TRIO: variants seen among roughly 807,000 people sequenced by gnomAD.
TRIO encodes the protein triple functional domain protein.
A neutral mutation model predicts 351.9 loss-of-function variants in TRIO; 58 were observed. That is an observed-to-expected ratio of 0.16 (90% CI 0.13 to 0.21). The LOEUF is 0.21. Among genes scored for constraint, TRIO ranks in the 10% least tolerant of loss-of-function variants. TRIO has a pLI of 1.00. For missense variants in TRIO, 3,201 were observed against 4,027.8 expected, an observed-to-expected ratio of 0.79 and a Z score of 5.56; for synonymous variants, 1,758 against 1,595.7, an observed-to-expected ratio of 1.10 and a Z score of -2.42.
At chr5:14,274,532 G>C (rs1735329481) in intron 2 of TRIO, among the ~76,000 whole-genome samples, 1 of 152,242 alleles carries the variant, frequency 6.6e-6, no homozygotes, top group African/African-American at 2.4e-5. Flanking sequence ...TTGCAAGATG[G>C]TGATATTCTA....
In TRIO at chr5:14,419,989, G is replaced by A; in HGVS notation, c.5171G>A (p.Ser1724Asn). 1 of 1,613,944 alleles carries A rather than the reference G, an allele frequency of 6.2e-7. No individual in the cohort carries two copies. Among genetic ancestry groups the A allele is most frequent in the Non-Finnish European group, 8.5e-7 (1 of 1,179,822 alleles). Residue 1724 changes from serine to asparagine, a missense_variant, in exon 34 of 57, where the codon AGC becomes AAC. Coordinates refer to ENST00000344204, the MANE Select transcript of TRIO (RefSeq NM_007118.4). ...GSLCIAHSRS[S>N]MEMEGIFNHK... ...CTGTGCATCGCCCACTCCAGAAGTA[G>A]CATGGAAATGGAGGGCATCTTCAAC...
At chr5:14,488,736 C>G (rs1166419622) in intron 48 of TRIO, 1 of 581,872 alleles carries the variant, frequency 1.7e-6, no homozygotes, top group African/African-American at 1.9e-5. Context: ...AGACCATTCC[C>G]TCAAGAAAAC....
intron 1 of TRIO, among the ~76,000 whole-genome samples, chr5:14,144,645 G>A (rs168756): frequency 0.71 from 107,349 of 151,886 alleles, 39,281 homozygotes; most frequent in African/African-American, 0.91. Context: ...AGGTGGAGGC[G>A]GTGCCAGGTG....
At chr5:14,263,411 C>T (rs958975667) in intron 1 of TRIO, among the ~76,000 whole-genome samples, 1 of 151,806 alleles carries the variant, frequency 6.6e-6, no homozygotes, top group East Asian at 1.9e-4. Flanking sequence ...AGAATTATAG[C>T]TTTATTTTCT....
intron 8 of TRIO, among the ~76,000 whole-genome samples, chr5:14,307,088 A>T (rs1738436572): frequency 6.6e-6 from 1 of 152,184 alleles, no homozygotes; most frequent in Admixed American, 6.5e-5. Flanking sequence ...CTCTTAAATT[A>T]TTTACATTTT....
At chr5:14,406,731 C>A in intron 33 of TRIO, 59 bp downstream of exon 33, 1 of 1,514,060 alleles carries the variant, frequency 6.6e-7, no homozygotes, top group Non-Finnish European at 9.2e-7. Flanking sequence ...CTGGTCAAAG[C>A]AGCCCCCTCC....
chr5:14,455,710 G>C (rs1338622763), intron 34 of TRIO, among the ~76,000 whole-genome samples: 2 of 152,218 alleles, frequency 1.3e-5, no homozygotes, highest in South Asian at 2.1e-4. Flanking sequence ...ACAGAGTGCT[G>C]ATTGGTGCAT....
At chr5:14,189,512 T>A (rs2152146889) in intron 1 of TRIO, among the ~76,000 whole-genome samples, 1 of 152,304 alleles carries the variant, frequency 6.6e-6, no homozygotes, top group South Asian at 2.1e-4. Context: ...ATAAAGTAAA[T>A]GTGTGGCCTG....
In TRIO at chr5:14,509,108, G is replaced by A. The variant is rs1306633143; in HGVS notation, c.*686G>A. The A allele has an allele frequency of 5.1e-6, 1 of 195,846 alleles. No individual in the cohort carries two copies. Among genetic ancestry groups the A allele is most frequent in the African/African-American group, 2.4e-5 (1 of 41,296 alleles). The allele number at this position is 195,846 out of a possible 1,614,324, so 12.1% of individuals were successfully genotyped here. A position where few individuals can be genotyped will look rare whatever the true frequency, so the allele number is the denominator to read the frequency against. ...CTGGGGCTTCCTCTGGGGGTCCGAG[G>A]GTCTTCCCATCACATGAAGACATCA... On this transcript the variant is annotated 3_prime_UTR_variant, in exon 57 of 57. Coordinates refer to ENST00000344204, the MANE Select transcript of TRIO (RefSeq NM_007118.4).
chr5:14,417,821 T>C (rs1417165500), intron 33 of TRIO, among the ~76,000 whole-genome samples: 2 of 152,196 alleles, frequency 1.3e-5, no homozygotes, highest in East Asian at 3.9e-4. Context: ...AGCATATGTA[T>C]CTTTTCTTTT....
At chr5:14,172,405 C>T (rs1376782991) in intron 1 of TRIO, among the ~76,000 whole-genome samples, 1 of 152,206 alleles carries the variant, frequency 6.6e-6, no homozygotes, top group Non-Finnish European at 1.5e-5. Flanking sequence ...CAGGCAGACT[C>T]ATCTCAGAAG....
intron 1 of TRIO, among the ~76,000 whole-genome samples, chr5:14,178,445 G>A (rs1359204273): frequency 6.6e-6 from 1 of 152,244 alleles, no homozygotes. Context: ...CCTGGTATTA[G>A]AAAGGTGACA....
intron 1 of TRIO, among the ~76,000 whole-genome samples, chr5:14,218,741 C>T (rs1028090189): frequency 2.0e-5 from 3 of 152,234 alleles, no homozygotes; most frequent in Non-Finnish European, 4.4e-5. Flanking sequence ...GGGCTATACC[C>T]GGCTGCTGTG....
At chr5:14,289,984 G>C (rs898652197) in intron 4 of TRIO, among the ~76,000 whole-genome samples, 3 of 152,134 alleles carry the variant, frequency 2.0e-5, no homozygotes, top group African/African-American at 7.2e-5. Flanking sequence ...GCAGATTATT[G>C]CAATGAATAA....
intron 1 of TRIO, among the ~76,000 whole-genome samples, chr5:14,189,336 A>G (rs1435087926): frequency 6.6e-6 from 1 of 152,164 alleles, no homozygotes; most frequent in Non-Finnish European, 1.5e-5. Flanking sequence ...TGAATGCTAT[A>G]TTTATTATCA....
Position 14,311,087 on chromosome 5 carries a change from C to A in TRIO, c.1501-5426C>A, listed in dbSNP as rs541996059. On this transcript the variant is annotated intron_variant, in intron 8 of 56. Coordinates refer to ENST00000344204, the MANE Select transcript of TRIO (RefSeq NM_007118.4). ...GCATCTGCCATAGTATCAGAGCCAACAGCCCATATGACAGCTGTCTTCTTC... is the reference window on the plus strand; with the variant it reads ...GCATCTGCCATAGTATCAGAGCCAAAAGCCCATATGACAGCTGTCTTCTTC... Among the ~76,000 whole-genome samples the A allele has an allele frequency of 2.0e-5, 3 of 152,334 alleles. No individual in the cohort carries two copies. The South Asian group carries it at 6.2e-4, about 32-fold the overall frequency.
chr5:14,234,743 TTAAG>T (rs1270671219), intron 1 of TRIO, among the ~76,000 whole-genome samples: 1 of 152,184 alleles, frequency 6.6e-6, no homozygotes, highest in Non-Finnish European at 1.5e-5. Context: ...TGTCAATTAA[TTAAG>T]AGAAATGCCT....
rs548277024 is a variant in TRIO at position 14,484,077 on chromosome 5, C to T, written c.6658-992C>T. ...GCACCTATCCCCTGAGAACTGCACT[C>T]ATCCATCCCGGGCACTGCACTCATC... On this transcript the variant is annotated intron_variant, in intron 46 of 56. Transcript: ENST00000344204. 3.4e-4 allele frequency among the ~76,000 whole-genome samples: 51 copies of T among 150,444 alleles called. 1 individual carries two copies. Among genetic ancestry groups the T allele is most frequent in the African/African-American group, 1.1e-3 (46 of 40,922 alleles).
At position 14,502,569 on chromosome 5, in the gene TRIO, C is replaced by T; in HGVS notation, c.8333-10C>T. On this transcript the variant is annotated splice_polypyrimidine_tract_variant and intron_variant, in intron 53 of 56. Transcript: ENST00000344204. ...GAAACAAGCTCAGGCAGGTGCTGTT[C>T]TTCTTGCAGGTCCAGGGATGGATGG... 1.2e-6 allele frequency: 2 copies of T among 1,614,080 alleles called. No individual in the cohort carries two copies. The highest frequency in any genetic ancestry group is 1.7e-6 in the Non-Finnish European group (2 of 1,179,944).
Sources: gnomAD v4.1 joint callset for allele counts (sites outside exome capture counted in the v4.1 genomes callset) on GRCh38, gnomAD v4.1.1 for gene constraint, MANE v1.5 for transcripts, NCBI Gene and HGNC (gene_info 2026-07-23, HGNC 2026-07-21) for gene names.